The following KLHL29 variants were observed in gnomAD, a reference collection of about 807,000 sequenced individuals.
KLHL29 encodes kelch-like protein 29.
KLHL29 carries 21 observed loss-of-function variants against 80.4 expected under a neutral mutation model. The ratio of observed to expected loss-of-function variants is 0.26; its 90% CI spans 0.19 to 0.38. The LOEUF is 0.38. KLHL29 is among the 10% of genes least tolerant of loss of function. The pLI, the probability that KLHL29 is intolerant of heterozygous loss-of-function variation, is 1.00. For missense variants in KLHL29, 867 were observed against 1,223.9 expected (o/e 0.71, Z 4.35); for synonymous variants, 511 against 526.8 (o/e 0.97, Z 0.41).
rs531926687 is a variant in KLHL29 at position 23,623,356 on chromosome 2, C to T, written c.286-15783C>T. On this transcript the variant is annotated intron_variant, in intron 3 of 13. Transcript: ENST00000486442. ...ACACGTTAGTGGCAGGAGGACAGTCCGCTGTCTGGGGAACAATATGTTTGC... is the reference window on the plus strand; with the variant it reads ...ACACGTTAGTGGCAGGAGGACAGTCTGCTGTCTGGGGAACAATATGTTTGC... Among the ~76,000 whole-genome samples the T allele has an allele frequency of 4.6e-3, 707 of 152,266 alleles. 3 individuals carry two copies. Among genetic ancestry groups the T allele is most frequent in the African/African-American group, 0.015 (641 of 41,554 alleles).
chr2:23,622,558 T>C (rs1191029466), intron 3 of KLHL29, among the ~76,000 whole-genome samples: 1 of 152,216 alleles, frequency 6.6e-6, no homozygotes, highest in Non-Finnish European at 1.5e-5. Flanking sequence ...CCCTGGACCC[T>C]AGCCATCTCT....
intron 12 of KLHL29, 37 bp from the exon 13 acceptor site, chr2:23,703,682 A>G (rs1443816400): frequency 2.5e-5 from 37 of 1,506,814 alleles, no homozygotes; most frequent in Non-Finnish European, 3.1e-5. Flanking sequence ...AGTCCAAGAC[A>G]AGCTGCCGTG....
At chr2:23,391,170 C>T (rs1429904671) in intron 1 of KLHL29, among the ~76,000 whole-genome samples, 1 of 152,188 alleles carries the variant, frequency 6.6e-6, no homozygotes, top group Non-Finnish European at 1.5e-5. Context: ...TTGTGATGGG[C>T]TTGTTAAACT....
rs568159613 is a variant in KLHL29 at position 23,435,702 on chromosome 2, G to A, written c.-153-39858G>A. 3.9e-5 allele frequency among the ~76,000 whole-genome samples: 6 copies of A among 152,292 alleles called. No homozygotes were observed. The East Asian group carries it at 1.2e-3, about 29-fold the overall frequency. ...TAGTGACCACTGAACATCACCCTCT[G>A]CCTTTTTCAGGAAAGGAAGTAGAAC... On this transcript the variant is annotated intron_variant, in intron 1 of 13. Coordinates refer to ENST00000486442, the MANE Select transcript of KLHL29 (RefSeq NM_052920.2).
At chr2:23,403,895 G>C (rs566412061) in intron 1 of KLHL29, among the ~76,000 whole-genome samples, 2 of 152,062 alleles carry the variant, frequency 1.3e-5, no homozygotes, top group African/African-American at 2.4e-5. Context: ...CAGAAGAGGT[G>C]GGGGGTAGCT....
At chr2:23,477,060 C>G (rs2103439182) in intron 2 of KLHL29, among the ~76,000 whole-genome samples, 1 of 152,384 alleles carries the variant, frequency 6.6e-6, no homozygotes, top group South Asian at 2.1e-4. Flanking sequence ...CCCAGCTGGC[C>G]CAGCCTTGTA....
chr2:23,614,857 G>C (rs545587715), intron 3 of KLHL29, among the ~76,000 whole-genome samples: 1 of 152,178 alleles, frequency 6.6e-6, no homozygotes, highest in Non-Finnish European at 1.5e-5. Flanking sequence ...AAAGCCATCC[G>C]GTGGTGGGAA....
chr2:23,666,573 G>A (rs990253282), intron 5 of KLHL29, among the ~76,000 whole-genome samples: 5 of 152,214 alleles, frequency 3.3e-5, no homozygotes, highest in Non-Finnish European at 5.9e-5. Flanking sequence ...TGACTGTTCC[G>A]CAAAGCCCGG....
chr2:23,535,542 A>G (rs1347429935), intron 2 of KLHL29, among the ~76,000 whole-genome samples: 1 of 152,276 alleles, frequency 6.6e-6, no homozygotes, highest in Non-Finnish European at 1.5e-5. Flanking sequence ...TGTTGTATAC[A>G]TACAATTGAA....
chr2:23,640,628 T>TA (rs1456350809), intron 4 of KLHL29, among the ~76,000 whole-genome samples: 3 of 152,326 alleles, frequency 2.0e-5, no homozygotes, highest in Non-Finnish European at 4.4e-5. Flanking sequence ...TTACTTCACT[T>TA]ATGTTTGTTG....
At chr2:23,582,336 G>T (rs1444485027) in intron 3 of KLHL29, among the ~76,000 whole-genome samples, 1 of 152,202 alleles carries the variant, frequency 6.6e-6, no homozygotes, top group Non-Finnish European at 1.5e-5. Context: ...GTAGGAAAAT[G>T]ACAGATTGGC....
chr2:23,548,233 C>A (rs1667027395), intron 2 of KLHL29, among the ~76,000 whole-genome samples: 2 of 152,026 alleles, frequency 1.3e-5, no homozygotes, highest in Non-Finnish European at 2.9e-5. Flanking sequence ...AGAATGCAGC[C>A]CAGCTTGGGG....
At chr2:23,579,911 G>C (rs1050777890) in intron 3 of KLHL29, among the ~76,000 whole-genome samples, 9 of 152,134 alleles carry the variant, frequency 5.9e-5, no homozygotes, top group African/African-American at 2.2e-4. Context: ...AGTGACCCCT[G>C]GTTCTGCGCC....
intron 13 of KLHL29, 80 bp downstream of exon 13, chr2:23,703,943 C>A (rs1374631901): frequency 1.4e-6 from 2 of 1,406,024 alleles, no homozygotes; most frequent in Non-Finnish European, 1.9e-6. Flanking sequence ...GATTTCCTGC[C>A]ATCAGTGACC....
intron 1 of KLHL29, among the ~76,000 whole-genome samples, chr2:23,474,333 T>A (rs143795687): frequency 2.2e-3 from 328 of 152,340 alleles, no homozygotes; most frequent in African/African-American, 7.6e-3. Context: ...TAGACCTCTC[T>A]GTTCACCAGC....
chr2:23,477,426 A>G (rs963613206), intron 2 of KLHL29, among the ~76,000 whole-genome samples: 1 of 152,278 alleles, frequency 6.6e-6, no homozygotes, highest in Non-Finnish European at 1.5e-5. Context: ...GGCTAGGCGC[A>G]GCCTTGGTTG....
intron 3 of KLHL29, among the ~76,000 whole-genome samples, chr2:23,588,302 C>G (rs953573006): frequency 1.3e-5 from 2 of 152,196 alleles, no homozygotes; most frequent in African/African-American, 4.8e-5. Flanking sequence ...GTGCACCTGC[C>G]CACTTGGGAG....
intron 3 of KLHL29, among the ~76,000 whole-genome samples, chr2:23,568,737 G>T (rs144589799): frequency 6.6e-6 from 1 of 152,220 alleles, no homozygotes. Context: ...AAAGGGACAG[G>T]CATCTAAGGT....
intron 3 of KLHL29, among the ~76,000 whole-genome samples, chr2:23,593,517 C>T (rs1360855555): frequency 6.6e-6 from 1 of 152,134 alleles, no homozygotes; most frequent in Non-Finnish European, 1.5e-5. Flanking sequence ...GCTTCTGGGT[C>T]CCCTTGGACA....
Sources: allele counts gnomAD v4.1 joint callset (sites outside exome capture counted in the v4.1 genomes callset), GRCh38; gene constraint gnomAD v4.1.1; transcripts MANE v1.5; gene names NCBI Gene and HGNC (gene_info 2026-07-23, HGNC 2026-07-21).